Variants in DLC1 observed in about 807,000 individuals in gnomAD.
DLC1 encodes DLC1 Rho GTPase activating protein.
Under a neutral mutation model 140.3 loss-of-function variants are expected in DLC1, and 54 were observed. That is an observed-to-expected ratio of 0.38 (90% CI 0.31 to 0.48). The LOEUF (loss-of-function observed/expected upper bound fraction) is 0.48, where lower values mean the gene tolerates loss of function less well. DLC1 is among the 20% of genes least tolerant of loss of function. DLC1 has a pLI of 0.96. For missense variants in DLC1, 2,536 were observed against 1,907.0 expected (o/e 1.33, Z -6.14); for synonymous variants, 986 against 728.1 (o/e 1.35, Z -5.70).
At chr8:13,213,073 C>G (rs1356172428) in intron 5 of DLC1, among the ~76,000 whole-genome samples, 1 of 152,114 alleles carries the variant, frequency 6.6e-6, no homozygotes, top group Non-Finnish European at 1.5e-5. Context: ...TAATGGACTG[C>G]TCTTCATTTT....
intron 5 of DLC1, among the ~76,000 whole-genome samples, chr8:13,287,339 C>A (rs1014983273): frequency 6.6e-6 from 1 of 152,062 alleles, no homozygotes; most frequent in East Asian, 1.9e-4. Context: ...TTGAATCTAA[C>A]GATAAAAAAA....
At chr8:13,530,864 C>G (rs967439604) in intron 1 of DLC1, among the ~76,000 whole-genome samples, 5 of 152,144 alleles carry the variant, frequency 3.3e-5, no homozygotes, top group African/African-American at 1.2e-4. Flanking sequence ...AAATGAAAAA[C>G]TCTTTATATA....
At chr8:13,379,232 T>C (rs141745783) in intron 4 of DLC1, among the ~76,000 whole-genome samples, 54 of 152,348 alleles carry the variant, frequency 3.5e-4, no homozygotes, top group African/African-American at 1.2e-3. Context: ...TCTTTTTACT[T>C]GCCTGGAGTC....
At chr8:13,288,451 A>G (rs954200362) in intron 5 of DLC1, among the ~76,000 whole-genome samples, 2 of 152,142 alleles carry the variant, frequency 1.3e-5, no homozygotes, top group African/African-American at 2.4e-5. Context: ...GGGCTGCTCA[A>G]TTGCATCACT....
At chr8:13,571,482 T>C (rs945794403) in intron 1 of DLC1, among the ~76,000 whole-genome samples, 71 of 152,368 alleles carry the variant, frequency 4.7e-4, no homozygotes, top group African/African-American at 1.6e-3. Context: ...ATTTTGTGTC[T>C]GGCTTAGTGT....
intron 4 of DLC1, among the ~76,000 whole-genome samples, chr8:13,355,856 G>A (rs747881104): frequency 6.6e-6 from 1 of 151,874 alleles, no homozygotes; most frequent in African/African-American, 2.4e-5. Context: ...AGGCTAAGGT[G>A]GGCAGATCAT....
At chr8:13,564,640 G>C (rs1364143177) in intron 1 of DLC1, among the ~76,000 whole-genome samples, 1 of 152,154 alleles carries the variant, frequency 6.6e-6, no homozygotes, top group African/African-American at 2.4e-5. Context: ...CTGAAAGTTT[G>C]CTTTTCTCCC....
intron 5 of DLC1, among the ~76,000 whole-genome samples, chr8:13,293,230 T>C (rs1831829708): frequency 6.6e-6 from 1 of 152,190 alleles, no homozygotes; most frequent in African/African-American, 2.4e-5. Flanking sequence ...AACCTGTCTC[T>C]AAAACAATAA....
chr8:13,455,524 A>T (rs1563362713), intron 2 of DLC1, among the ~76,000 whole-genome samples: 1 of 152,132 alleles, frequency 6.6e-6, no homozygotes, highest in Non-Finnish European at 1.5e-5. Context: ...CCTGCAAGCT[A>T]TTCGGGAAGA....
intron 4 of DLC1, among the ~76,000 whole-genome samples, chr8:13,389,369 C>A (rs1836653450): frequency 6.6e-6 from 1 of 151,994 alleles, no homozygotes; most frequent in Non-Finnish European, 1.5e-5. Context: ...CACAGTGAAT[C>A]AAAGCACTTT....
intron 1 of DLC1, among the ~76,000 whole-genome samples, chr8:13,572,091 A>AT (rs773027065): frequency 0.35 from 19,544 of 55,966 alleles, 1,545 homozygotes; most frequent in South Asian, 0.44. Flanking sequence ...TATTATTATT[A>AT]TTTATTTTTT....
chr8:13,532,732 G>T (rs1358905885), intron 1 of DLC1, among the ~76,000 whole-genome samples: 1 of 152,170 alleles, frequency 6.6e-6, no homozygotes, highest in Non-Finnish European at 1.5e-5. Flanking sequence ...TGGGACTACA[G>T]GTGTGAGCCA....
At chr8:13,445,941 G>T (rs967912779) in intron 2 of DLC1, among the ~76,000 whole-genome samples, 1 of 152,054 alleles carries the variant, frequency 6.6e-6, no homozygotes, top group Non-Finnish European at 1.5e-5. Context: ...AAAAAACTTC[G>T]ATAACCCTAA....
At chr8:13,429,383 C>T (rs1310899186) in intron 2 of DLC1, among the ~76,000 whole-genome samples, 1 of 152,152 alleles carries the variant, frequency 6.6e-6, no homozygotes, top group African/African-American at 2.4e-5. Flanking sequence ...AGTATCTGGC[C>T]ACTATCCCCA....
chr8:13,421,847 A>G (rs1360831912), intron 2 of DLC1, among the ~76,000 whole-genome samples: 2 of 152,100 alleles, frequency 1.3e-5, no homozygotes, highest in Non-Finnish European at 2.9e-5. Flanking sequence ...TGCCTAGGGA[A>G]TCTCTCTGGC....
intron 5 of DLC1, chr8:13,116,223 A>T: frequency 1.0e-6 from 1 of 985,500 alleles, no homozygotes; most frequent in Non-Finnish European, 1.2e-6. Flanking sequence ...CTGTCAAGGA[A>T]CATGGAGGGC....
intron 4 of DLC1, among the ~76,000 whole-genome samples, chr8:13,310,158 T>G (rs1832615837): frequency 6.6e-6 from 1 of 152,212 alleles, no homozygotes; most frequent in South Asian, 2.1e-4. Context: ...AAATTTATTT[T>G]TTTGTCCTGC....
In DLC1 at chr8:13,095,075, A is replaced by T; in HGVS notation, c.3327+11T>A. ...CCCCTGAGTACGTGGACCCGCAGGC[A>T]GCGCTCTCACCTGATCCAAACAATG... On this transcript the variant is annotated intron_variant, in intron 11 of 17. Coordinates refer to ENST00000276297, the MANE Select transcript of DLC1 (RefSeq NM_182643.3). The T allele has an allele frequency of 6.2e-7, 1 of 1,614,078 alleles. No homozygotes were observed. Among genetic ancestry groups the T allele is most frequent in the South Asian group, 1.1e-5 (1 of 91,084 alleles).
At chr8:13,582,571 T>A (rs1387253419) in intron 1 of DLC1, among the ~76,000 whole-genome samples, 1 of 152,084 alleles carries the variant, frequency 6.6e-6, no homozygotes, top group Admixed American at 6.6e-5. Context: ...CCCTTGAACA[T>A]CAGACTCAAA....
Sources: gnomAD v4.1 joint callset for allele counts (sites outside exome capture counted in the v4.1 genomes callset) on GRCh38, gnomAD v4.1.1 for gene constraint, MANE v1.5 for transcripts, NCBI Gene and HGNC (gene_info 2026-07-23, HGNC 2026-07-21) for gene names.